The following TRIM67 variants were observed in gnomAD, a reference collection of about 807,000 sequenced individuals.
TRIM67 encodes tripartite motif-containing protein 67.
A neutral mutation model predicts 71.0 loss-of-function variants in TRIM67; 39 were observed. The observed-to-expected ratio is 0.55, with a 90% CI of 0.43 to 0.72. The LOEUF (loss-of-function observed/expected upper bound fraction) is 0.72, where lower values mean the gene tolerates loss of function less well. Among genes scored for constraint, TRIM67 ranks in the 30% least tolerant of loss-of-function variants. The pLI, the probability that TRIM67 is intolerant of heterozygous loss-of-function variation, is 0.00. For missense variants in TRIM67, 973 were observed against 1,079.2 expected, an observed-to-expected ratio of 0.90 and a Z score of 1.38; for synonymous variants, 481 against 473.9, an observed-to-expected ratio of 1.01 and a Z score of -0.19.
At chr1:231,189,375 T>C (rs1229748321) in intron 1 of TRIM67, among the ~76,000 whole-genome samples, 1 of 152,178 alleles carries the variant, frequency 6.6e-6, no homozygotes, top group Non-Finnish European at 1.5e-5. Context: ...ATAAATGTGA[T>C]GAAGTTAAGC....
intron 1 of TRIM67, among the ~76,000 whole-genome samples, chr1:231,189,566 A>G (rs1170584112): frequency 6.6e-6 from 1 of 152,182 alleles, no homozygotes; most frequent in Admixed American, 6.5e-5. Context: ...AGGGGGGTTG[A>G]TAAACAAAAG....
Position 231,215,333 on chromosome 1 carries a change from G to A in TRIM67, c.2287-42G>A, listed in dbSNP as rs760089087. The A allele has an allele frequency of 3.1e-5, 50 of 1,601,120 alleles. No homozygotes were observed. In the South Asian group the frequency reaches 3.1e-4, roughly 10 times the overall value. On this transcript the variant is annotated intron_variant, in intron 9 of 9. Transcript: ENST00000366653. ...CTGTCAGAGCCCTCAGGGTCCCTGC[G>A]GCAGCCTCTCCCACCCTCACTTGCC...
At chr1:231,201,237 G>T in intron 4 of TRIM67, 121 bp from the exon 5 acceptor site, 1 of 1,079,348 alleles carries the variant, frequency 9.3e-7, no homozygotes. Context: ...CATGGCTCTA[G>T]AGCACAACCC....
At chr1:231,189,401 G>A (rs576562638) in intron 1 of TRIM67, among the ~76,000 whole-genome samples, 1 of 152,246 alleles carries the variant, frequency 6.6e-6, no homozygotes, top group South Asian at 2.1e-4. Context: ...GAGATGGGGA[G>A]ATTATCCTGC....
intron 1 of TRIM67, among the ~76,000 whole-genome samples, chr1:231,170,409 A>G (rs947735083): frequency 2.0e-5 from 3 of 152,258 alleles, no homozygotes; most frequent in Non-Finnish European, 2.9e-5. Context: ...GACTATTTAT[A>G]TAGAGAAATA....
Position 231,218,569 on chromosome 1 carries a change from A to G in TRIM67, c.*3129A>G, listed in dbSNP as rs746239943. 1.7e-4 allele frequency: 171 copies of G among 985,300 alleles called. No homozygotes were observed. Among genetic ancestry groups the G allele is most frequent in the Non-Finnish European group, 2.0e-4 (164 of 829,936 alleles). 61.0% of individuals were successfully genotyped at this position (985,300 alleles called of 1,614,324 possible). On this transcript the variant is annotated 3_prime_UTR_variant, in exon 10 of 10. Transcript: ENST00000366653. ...CTCCTAATTCAAAGCAGGGGAAGGTATTTCCCCAAAGCCTGCTTTTCCTCT... is the reference window on the plus strand; with the variant it reads ...CTCCTAATTCAAAGCAGGGGAAGGTGTTTCCCCAAAGCCTGCTTTTCCTCT...
At chr1:231,201,211 G>C in intron 4 of TRIM67, 147 bp from the exon 5 acceptor site, 1 of 722,562 alleles carries the variant, frequency 1.4e-6, no homozygotes, top group Non-Finnish European at 2.2e-6. Flanking sequence ...GTGGACAGGA[G>C]TCATTTAATC....
At chr1:231,180,009 C>T (rs1398513512) in intron 1 of TRIM67, among the ~76,000 whole-genome samples, 2 of 152,038 alleles carry the variant, frequency 1.3e-5, no homozygotes, top group African/African-American at 4.8e-5. Flanking sequence ...GTGACAGTCA[C>T]CAAAAGTAAG....
intron 1 of TRIM67, among the ~76,000 whole-genome samples, chr1:231,167,552 G>T (rs1179962828): frequency 9.4e-6 from 1 of 106,874 alleles, no homozygotes; most frequent in Non-Finnish European, 1.7e-5. Context: ...TCGATCTCCT[G>T]ACCTCGTGAT....
At chr1:231,198,411 G>C (rs758221642) in intron 2 of TRIM67, among the ~76,000 whole-genome samples, 29 of 151,910 alleles carry the variant, frequency 1.9e-4, no homozygotes, top group Non-Finnish European at 3.7e-4. Context: ...TTTTGAGACA[G>C]AGTCTCACTC....
chr1:231,163,306 G>T lies in TRIM67; in HGVS notation c.337G>T (p.Gly113Trp). 1 of 1,519,232 alleles carries T rather than the reference G, an allele frequency of 6.6e-7. No individual in the cohort carries two copies. Among genetic ancestry groups the T allele is most frequent in the African/African-American group, 1.4e-5 (1 of 69,598 alleles). The allele number at this position is 1,519,232 out of a possible 1,614,324, so 94.1% of individuals were successfully genotyped here. The change falls in exon 1 of 10, where the codon GGG becomes TGG. Residue 113 changes from glycine (G) to tryptophan (W), a missense_variant. By Grantham distance (184) the Gly-to-Trp change is radical (BLOSUM62 -2). Transcript: ENST00000366653. ...GTACAGCGAGACAGACAGCGGCTAC[G>T]GGTCCTACACCCCGAGCCTCAAGTC... ...SLYSETDSGY[G>W]SYTPSLKSPN... is the part of the protein sequence containing the mutation.
rs532110953 is a variant in TRIM67, at chr1:231,203,721, C to CT, written c.1535-145dup. 229 of 1,048,604 alleles carry CT rather than the reference C, an allele frequency of 2.2e-4. 1 individual carries two copies. The African/African-American group carries it at 3.4e-3, about 16-fold the overall frequency. The allele number at this position is 1,048,604 out of a possible 1,614,324, so 65.0% of individuals were successfully genotyped here. A position where few individuals can be genotyped will look rare whatever the true frequency, so the allele number is the denominator to read the frequency against. ...CACCTGGAGACTGACTCCTGGGCGT[C>CT]TGGGAGTGACTACAGGGTGGCCAGG... On this transcript the variant is annotated intron_variant, in intron 5 of 9. Coordinates refer to ENST00000366653, the MANE Select transcript of TRIM67 (RefSeq NM_001004342.5).
At chr1:231,184,146 A>AG (rs1432245317) in intron 1 of TRIM67, 23 of 152,194 alleles carry the variant, frequency 1.5e-4, no homozygotes, top group African/African-American at 4.8e-4. Context: ...CCAACTGGGG[A>AG]GACTCAGCCT....
chr1:231,200,852 G>A (rs1478905002), intron 4 of TRIM67, among the ~76,000 whole-genome samples: 1 of 152,194 alleles, frequency 6.6e-6, no homozygotes. Flanking sequence ...TCCAGCAAAA[G>A]GGAGCAGAAC....
chr1:231,212,435 A>C (rs1683901031), intron 8 of TRIM67, among the ~76,000 whole-genome samples: 1 of 152,204 alleles, frequency 6.6e-6, no homozygotes, highest in South Asian at 2.1e-4. Flanking sequence ...GAAGGGGGTT[A>C]GGTGAGGAGC....
rs1196370562 is a variant in TRIM67 at position 231,218,581 on chromosome 1, C to T, written c.*3141C>T. 2.0e-6 allele frequency: 2 copies of T among 985,350 alleles called. No individual in the cohort carries two copies. The highest frequency in any genetic ancestry group is 2.4e-6 in the Non-Finnish European group (2 of 829,958). 61.0% of individuals were successfully genotyped at this position (985,350 alleles called of 1,614,324 possible). On this transcript the variant is annotated 3_prime_UTR_variant, in exon 10 of 10. Coordinates refer to ENST00000366653, the MANE Select transcript of TRIM67 (RefSeq NM_001004342.5). ...AGCAGGGGAAGGTATTTCCCCAAAG[C>T]CTGCTTTTCCTCTCTCTGTTCTCCT...
At chr1:231,185,982 A>G in intron 1 of TRIM67, 1 of 982,080 alleles carries the variant, frequency 1.0e-6, no homozygotes, top group East Asian at 2.6e-5. Context: ...ACTAGAGGAG[A>G]CGAGAAGGAG....
chr1:231,197,474 C>A lies in TRIM67; in HGVS notation c.1140+8C>A, dbSNP rs546533927. On this transcript the variant is annotated splice_region_variant and intron_variant, in intron 2 of 9. Transcript: ENST00000366653. ...ATATTGCAGCAGATCCAGGTGAGCA[C>A]AGCTCTGGCGTCGGGAGAAATACTC... The A allele has an allele frequency of 2.5e-6, 4 of 1,612,664 alleles. No homozygotes were observed. Among genetic ancestry groups the A allele is most frequent in the South Asian group, 2.2e-5 (2 of 91,028 alleles).
intron 1 of TRIM67, among the ~76,000 whole-genome samples, chr1:231,175,158 G>T (rs997232252): frequency 6.6e-6 from 1 of 152,204 alleles, no homozygotes; most frequent in Non-Finnish European, 1.5e-5. Context: ...CCATCAGGTT[G>T]CTGGGAGGGC....
Sources: allele counts gnomAD v4.1 joint callset (sites outside exome capture counted in the v4.1 genomes callset), GRCh38; gene constraint gnomAD v4.1.1; transcripts MANE v1.5; gene names NCBI Gene and HGNC (gene_info 2026-07-23, HGNC 2026-07-21).